Variants in RBFOX1 observed in about 807,000 individuals in gnomAD.
RBFOX1 encodes RNA binding protein fox-1 homolog 1.
A neutral mutation model predicts 57.7 loss-of-function variants in RBFOX1; 8 were observed. The observed-to-expected ratio is 0.14, with a 90% CI of 0.08 to 0.25. The LOEUF is 0.25. Ranked by LOEUF, RBFOX1 falls within the 10% of genes least tolerant of loss-of-function variation. The pLI is 1.00. For synonymous variants in RBFOX1, 326 were observed against 222.4 expected (o/e 1.47, Z -4.15); for missense variants, 611 against 548.5 (o/e 1.11, Z -1.14).
intron 1 of RBFOX1, among the ~76,000 whole-genome samples, chr16:6,085,305 T>A (rs1037738790): frequency 6.6e-6 from 1 of 152,194 alleles, no homozygotes; most frequent in Non-Finnish European, 1.5e-5. Flanking sequence ...GCGGTTTCGC[T>A]CTTGTTGCCC....
chr16:7,643,174 T>C (rs2063138055), intron 11 of RBFOX1, among the ~76,000 whole-genome samples: 1 of 152,180 alleles, frequency 6.6e-6, no homozygotes. Context: ...GGACCTTACA[T>C]GATCAAAGAA....
At chr16:7,154,942 T>C (rs2076795494) in intron 4 of RBFOX1, among the ~76,000 whole-genome samples, 2 of 152,168 alleles carry the variant, frequency 1.3e-5, no homozygotes, top group Admixed American at 6.5e-5. Flanking sequence ...AATAGGGATG[T>C]TAACTTTTCT....
At chr16:7,102,814 A>T (rs982377121) in intron 4 of RBFOX1, among the ~76,000 whole-genome samples, 1 of 152,122 alleles carries the variant, frequency 6.6e-6, no homozygotes, top group Non-Finnish European at 1.5e-5. Context: ...CCAACCAGCA[A>T]TTTTTTTGAG....
chr16:5,467,333 C>A, intron 2 of RBFOX1: 1 of 1,368,800 alleles, frequency 7.3e-7, no homozygotes, highest in Non-Finnish European at 1.0e-6. Flanking sequence ...TCTTGCGTCA[C>A]AGCCCTGCAA....
chr16:6,753,848 C>G (rs138118981), intron 3 of RBFOX1, among the ~76,000 whole-genome samples: 3 of 151,928 alleles, frequency 2.0e-5, no homozygotes, highest in African/African-American at 7.3e-5. Context: ...GGATTTTTGC[C>G]GAGCTGAGTT....
chr16:6,724,842 G>C (rs2066811085), intron 3 of RBFOX1, among the ~76,000 whole-genome samples: 4 of 151,980 alleles, frequency 2.6e-5, no homozygotes, highest in Admixed American at 2.0e-4. Context: ...CCATCACCTA[G>C]GTGTGCATTA....
intron 1 of RBFOX1, chr16:6,056,888 A>G (rs1365338416): frequency 1.3e-5 from 2 of 151,442 alleles, no homozygotes; most frequent in Non-Finnish European, 2.9e-5. Context: ...CTGCATACAG[A>G]AAGAACAAAG....
intron 3 of RBFOX1, among the ~76,000 whole-genome samples, chr16:7,028,711 A>C (rs1459026940): frequency 9.2e-5 from 14 of 151,614 alleles, no homozygotes. Flanking sequence ...CCAACTGTGA[A>C]TTATTGCAGG....
At chr16:5,601,065 G>C (rs2047349554), downstream of RBFOX1, 1 of 152,224 alleles carries the variant, frequency 6.6e-6, no homozygotes, top group African/African-American at 2.4e-5. Context: ...TGGATAGATG[G>C]AAAAATGATG....
At chr16:6,168,833 A>T (rs1173109080) in intron 1 of RBFOX1, among the ~76,000 whole-genome samples, 5 of 150,680 alleles carry the variant, frequency 3.3e-5, no homozygotes, top group Non-Finnish European at 5.9e-5. Flanking sequence ...TTTTTTTTTA[A>T]ACACTCTCCC....
chr16:5,720,854 T>C (rs904445315), intron 3 of RBFOX1, among the ~76,000 whole-genome samples: 11 of 152,192 alleles, frequency 7.2e-5, no homozygotes, highest in African/African-American at 2.4e-4. Context: ...ATATTTTAAA[T>C]TGGGAAGTGT....
At chr16:7,364,219 C>A (rs546646247) in intron 4 of RBFOX1, among the ~76,000 whole-genome samples, 1 of 152,122 alleles carries the variant, frequency 6.6e-6, no homozygotes, top group Non-Finnish European at 1.5e-5. Flanking sequence ...TGGGATGTGC[C>A]GGGCTAGCGG....
At chr16:6,181,004 G>T (rs1442043793) in intron 1 of RBFOX1, among the ~76,000 whole-genome samples, 2 of 152,206 alleles carry the variant, frequency 1.3e-5, no homozygotes, top group Non-Finnish European at 2.9e-5. Flanking sequence ...GGGTTTGTGT[G>T]TATGTGGAGG....
chr16:6,588,573 A>G (rs1279370306), intron 2 of RBFOX1, among the ~76,000 whole-genome samples: 1 of 152,100 alleles, frequency 6.6e-6, no homozygotes, highest in Non-Finnish European at 1.5e-5. Context: ...AATCGCTTGA[A>G]TCTAGGAGGT....
At position 7,377,141 on chromosome 16, in the gene RBFOX1, A is replaced by G. The variant is rs564420678; in HGVS notation, c.28-141006A>G. On this transcript the variant is annotated intron_variant, in intron 4 of 15. Coordinates refer to ENST00000550418, the MANE Select transcript of RBFOX1 (RefSeq NM_018723.4). ...ATCTATTGAGGAAATTACCTTTTAT[A>G]TCAGTTTAAATGAACTTATTTAGAT... Among the ~76,000 whole-genome samples, 210 of 152,350 alleles carry G rather than the reference A, an allele frequency of 1.4e-3. 1 individual carries two copies. The highest frequency in any genetic ancestry group is 2.5e-3 in the Non-Finnish European group (170 of 68,036).
chr16:6,677,757 C>G (rs1361085073), intron 3 of RBFOX1, among the ~76,000 whole-genome samples: 1 of 152,172 alleles, frequency 6.6e-6, no homozygotes, highest in Non-Finnish European at 1.5e-5. Flanking sequence ...GATTTATCTT[C>G]TGACATCACT....
At position 7,460,733 on chromosome 16, in the gene RBFOX1, G is replaced by C. The variant is rs549443827; in HGVS notation, c.28-57414G>C. On this transcript the variant is annotated intron_variant, in intron 4 of 15. Transcript: ENST00000550418. ...GAACTTAAAAAATTTTAAACAATGA[G>C]ATATCTAAATGAATGAATGAATAGA... 3.3e-5 allele frequency among the ~76,000 whole-genome samples: 5 copies of C among 151,640 alleles called. No homozygotes were observed. The East Asian group carries it at 9.7e-4, about 29-fold the overall frequency.
chr16:6,316,428 T>G (rs1453126255), intron 1 of RBFOX1, among the ~76,000 whole-genome samples: 2 of 152,228 alleles, frequency 1.3e-5, no homozygotes, highest in Non-Finnish European at 2.9e-5. Context: ...TTCTACTCAT[T>G]GCAAAATTAA....
At chr16:5,399,101 T>A (rs114646303) in intron 1 of RBFOX1, among the ~76,000 whole-genome samples, 43 of 152,294 alleles carry the variant, frequency 2.8e-4, no homozygotes, top group African/African-American at 9.6e-4. Flanking sequence ...TCGACTTAAA[T>A]CTATTCTCAG....
Sources: gnomAD v4.1 joint callset for allele counts (sites outside exome capture counted in the v4.1 genomes callset) on GRCh38, gnomAD v4.1.1 for gene constraint, MANE v1.5 for transcripts, NCBI Gene and HGNC (gene_info 2026-07-23, HGNC 2026-07-21) for gene names.